CCDC178: variants seen among roughly 807,000 people sequenced by gnomAD.
The protein encoded by CCDC178 is coiled-coil domain containing 178, also known as coiled-coil domain-containing protein 178.
A neutral mutation model predicts 117.4 loss-of-function variants in CCDC178; 126 were observed. The ratio of observed to expected loss-of-function variants is 1.07; its 90% CI spans 0.93 to 1.24. CCDC178 has a LOEUF of 1.24. Ranked by LOEUF, CCDC178 falls within the 50% of genes most tolerant of loss-of-function variation. CCDC178 has a pLI of 0.00. For synonymous variants in CCDC178, 283 were observed against 313.4 expected (o/e 0.90, Z 1.02); for missense variants, 1,030 against 986.9 (o/e 1.04, Z -0.59).
intron 14 of CCDC178, among the ~76,000 whole-genome samples, chr18:33,256,596 G>A (rs149893458): frequency 1.5e-4 from 23 of 152,102 alleles, no homozygotes; most frequent in African/African-American, 5.5e-4. Context: ...GCTGCTGTTT[G>A]AAGCTGAAAA....
chr18:32,998,570 C>T (rs1212199397), intron 21 of CCDC178, among the ~76,000 whole-genome samples: 1 of 152,142 alleles, frequency 6.6e-6, no homozygotes, highest in Non-Finnish European at 1.5e-5. Context: ...AGGAGAGGCT[C>T]CTTCCATCTG....
chr18:33,004,052 A>G (rs2055699509), intron 21 of CCDC178, among the ~76,000 whole-genome samples: 1 of 152,154 alleles, frequency 6.6e-6, no homozygotes, highest in Non-Finnish European at 1.5e-5. Flanking sequence ...AAAATATTTC[A>G]TGTTCATGGA....
chr18:33,409,746 G>A (rs2144891048), intron 3 of CCDC178, among the ~76,000 whole-genome samples: 1 of 152,198 alleles, frequency 6.6e-6, no homozygotes. Flanking sequence ...ATACAGAATA[G>A]GAAATCTGAT....
chr18:33,121,224 C>A (rs1598904672), intron 20 of CCDC178, among the ~76,000 whole-genome samples: 1 of 152,092 alleles, frequency 6.6e-6, no homozygotes, highest in African/African-American at 2.4e-5. Context: ...GGAAACAGGG[C>A]TGAGGCTTAA....
chr18:33,372,576 C>T (rs969788327), intron 5 of CCDC178, among the ~76,000 whole-genome samples: 2 of 152,084 alleles, frequency 1.3e-5, no homozygotes, highest in Non-Finnish European at 2.9e-5. Flanking sequence ...AGACTTTCAT[C>T]CTCTCTAAAC....
intron 2 of CCDC178, among the ~76,000 whole-genome samples, chr18:33,425,897 T>C (rs1388821765): frequency 6.6e-6 from 1 of 152,208 alleles, no homozygotes; most frequent in African/African-American, 2.4e-5. Context: ...TTGGCTATCA[T>C]GCAGAGATGT....
At chr18:33,307,427 T>G (rs1839725820) in intron 11 of CCDC178, among the ~76,000 whole-genome samples, 1 of 152,088 alleles carries the variant, frequency 6.6e-6, no homozygotes, top group South Asian at 2.1e-4. Flanking sequence ...ACTTTGAACT[T>G]GAGAGAGATG....
intron 20 of CCDC178, among the ~76,000 whole-genome samples, chr18:33,191,985 A>T (rs547943483): frequency 1.3e-5 from 2 of 152,316 alleles, no homozygotes; most frequent in African/African-American, 4.8e-5. Context: ...ATGTTCTGTT[A>T]TATGATAGAA....
intron 21 of CCDC178, among the ~76,000 whole-genome samples, chr18:33,091,112 T>C (rs980351237): frequency 2.0e-5 from 3 of 152,106 alleles, no homozygotes; most frequent in African/African-American, 7.2e-5. Context: ...AAATACAGTA[T>C]AGTCAATGAT....
intron 15 of CCDC178, among the ~76,000 whole-genome samples, chr18:33,243,916 T>G (rs2059516664): frequency 6.6e-6 from 1 of 151,894 alleles, no homozygotes; most frequent in Non-Finnish European, 1.5e-5. Flanking sequence ...ATATTGATAT[T>G]ATTTTAAAAA....
At chr18:32,978,122 C>T (rs1307562790) in intron 21 of CCDC178, among the ~76,000 whole-genome samples, 1 of 151,460 alleles carries the variant, frequency 6.6e-6, no homozygotes, top group Non-Finnish European at 1.5e-5. Flanking sequence ...TTGAATTTAT[C>T]CATATTCACA....
In CCDC178 at chr18:33,226,779, C is replaced by A; in HGVS notation, c.1656+14G>T. The A allele has an allele frequency of 1.3e-6, 2 of 1,532,118 alleles. No individual in the cohort carries two copies. Among genetic ancestry groups the A allele is most frequent in the Non-Finnish European group, 1.8e-6 (2 of 1,131,758 alleles). 94.9% of individuals were successfully genotyped at this position (1,532,118 alleles called of 1,614,324 possible). On this transcript the variant is annotated intron_variant, in intron 16 of 22. Coordinates refer to ENST00000383096, the MANE Select transcript of CCDC178 (RefSeq NM_001105528.4). ...TAAAGGAAGAATAAAATATTAAAAC[C>A]AAATCAGTATTACCTGAAGCACCAT...
intron 21 of CCDC178, among the ~76,000 whole-genome samples, chr18:33,062,299 T>C (rs1270313409): frequency 1.3e-5 from 2 of 152,166 alleles, no homozygotes; most frequent in African/African-American, 2.4e-5. Context: ...AATCTGACCA[T>C]GTATTGGAAG....
At chr18:33,270,710 A>G (rs2059876999) in intron 12 of CCDC178, among the ~76,000 whole-genome samples, 1 of 151,576 alleles carries the variant, frequency 6.6e-6, no homozygotes, top group African/African-American at 2.4e-5. Flanking sequence ...CCTGTTCTAT[A>G]AAAAATACTC....
At chr18:33,356,894 G>C (rs1027364380) in intron 6 of CCDC178, among the ~76,000 whole-genome samples, 1 of 152,024 alleles carries the variant, frequency 6.6e-6, no homozygotes, top group Admixed American at 6.6e-5. Context: ...TCCCTTACTA[G>C]GTCCTTTTTA....
chr18:33,317,041 A>C (rs2062428817), intron 11 of CCDC178, among the ~76,000 whole-genome samples: 2 of 152,146 alleles, frequency 1.3e-5, no homozygotes, highest in Admixed American at 6.5e-5. Flanking sequence ...AATCAGCAGG[A>C]TGTGGATGGG....
At chr18:33,012,545 C>A (rs2055892139) in intron 21 of CCDC178, among the ~76,000 whole-genome samples, 1 of 152,108 alleles carries the variant, frequency 6.6e-6, no homozygotes, top group Non-Finnish European at 1.5e-5. Context: ...ACTCAGAAAT[C>A]ATAAAAGGTG....
At chr18:32,954,010 T>C (rs1435260307) in intron 22 of CCDC178, 1 of 152,148 alleles carries the variant, frequency 6.6e-6, no homozygotes, top group Non-Finnish European at 1.5e-5. Context: ...GAAAAATAAA[T>C]ACACAAGAGA....
intron 20 of CCDC178, among the ~76,000 whole-genome samples, chr18:33,161,570 A>G (rs1009033583): frequency 6.6e-6 from 1 of 152,094 alleles, no homozygotes; most frequent in African/African-American, 2.4e-5. Flanking sequence ...AAAATTTCCT[A>G]TGGGCAAGGG....
Sources: gnomAD v4.1 joint callset for allele counts (sites outside exome capture counted in the v4.1 genomes callset) on GRCh38, gnomAD v4.1.1 for gene constraint, MANE v1.5 for transcripts, NCBI Gene and HGNC (gene_info 2026-07-23, HGNC 2026-07-21) for gene names.